KDM4C: variants seen among roughly 807,000 people sequenced by gnomAD.
KDM4C encodes the protein lysine demethylase 4C.
Under a neutral mutation model 129.3 loss-of-function variants are expected in KDM4C, and 81 were observed. That is an observed-to-expected ratio of 0.63 (90% CI 0.52 to 0.75). KDM4C has a LOEUF of 0.75. Ranked by LOEUF, KDM4C falls within the 30% of genes least tolerant of loss-of-function variation. The pLI is 0.00. For missense variants in KDM4C, 1,457 were observed against 1,304.0 expected (o/e 1.12, Z -1.81); for synonymous variants, 573 against 456.1 (o/e 1.26, Z -3.26).
intron 12 of KDM4C, among the ~76,000 whole-genome samples, chr9:7,008,384 G>A (rs553292959): frequency 1.3e-5 from 2 of 152,244 alleles, no homozygotes; most frequent in East Asian, 3.9e-4. Context: ...CACCCACGGA[G>A]CCAGCCTCCA....
chr9:7,037,854 G>C (rs1267573710), intron 15 of KDM4C, among the ~76,000 whole-genome samples: 1 of 151,976 alleles, frequency 6.6e-6, no homozygotes. Context: ...TTTCTGTTTT[G>C]TTTTGGGGAA....
At chr9:6,721,522 G>A (rs1287967683) in intron 1 of KDM4C, among the ~76,000 whole-genome samples, 1 of 150,596 alleles carries the variant, frequency 6.6e-6, no homozygotes, top group African/African-American at 2.4e-5. Flanking sequence ...GGCCTTAAGC[G>A]ACCTACCCGT....
At chr9:6,921,468 G>A (rs1303894378) in intron 8 of KDM4C, among the ~76,000 whole-genome samples, 2 of 152,088 alleles carry the variant, frequency 1.3e-5, no homozygotes. Context: ...CTGCTCACTC[G>A]CTTTCTGTTT....
At chr9:6,903,877 A>G (rs533808055) in intron 8 of KDM4C, among the ~76,000 whole-genome samples, 1 of 152,196 alleles carries the variant, frequency 6.6e-6, no homozygotes, top group Non-Finnish European at 1.5e-5. Flanking sequence ...CTTTTCGAAA[A>G]TCTACACAAT....
At chr9:6,750,693 C>CA (rs1818037945) in intron 1 of KDM4C, among the ~76,000 whole-genome samples, 1 of 152,182 alleles carries the variant, frequency 6.6e-6, no homozygotes, top group Non-Finnish European at 1.5e-5. Flanking sequence ...CTGGATTAGT[C>CA]AATGAAGAGC....
intron 17 of KDM4C, among the ~76,000 whole-genome samples, chr9:7,099,207 A>G (rs1742754129): frequency 6.6e-6 from 1 of 152,220 alleles, no homozygotes; most frequent in Non-Finnish European, 1.5e-5. Context: ...AGAAAAAAAC[A>G]TCATAAAACT....
At chr9:6,732,988 G>A (rs933326669) in intron 1 of KDM4C, among the ~76,000 whole-genome samples, 2 of 151,804 alleles carry the variant, frequency 1.3e-5, no homozygotes, top group African/African-American at 2.4e-5. Context: ...ACTCCAGCCT[G>A]GGTGACAGGG....
chr9:6,879,442 T>C (rs148965374), intron 5 of KDM4C, among the ~76,000 whole-genome samples: 1 of 152,194 alleles, frequency 6.6e-6, no homozygotes, highest in Non-Finnish European at 1.5e-5. Flanking sequence ...AAAACTTTTT[T>C]TAAGGCTGAT....
intron 1 of KDM4C, among the ~76,000 whole-genome samples, chr9:6,763,304 C>T (rs1247508585): frequency 6.6e-6 from 1 of 152,084 alleles, no homozygotes; most frequent in Non-Finnish European, 1.5e-5. Context: ...GCTGTTGTTC[C>T]CTGTGCCTGG....
chr9:6,771,676 C>T (rs1821874948), intron 1 of KDM4C, among the ~76,000 whole-genome samples: 1 of 152,290 alleles, frequency 6.6e-6, no homozygotes, highest in Non-Finnish European at 1.5e-5. Context: ...CCATGGCCTC[C>T]CATGAGTCCT....
chr9:6,908,212 G>A (rs1818668655), intron 8 of KDM4C, among the ~76,000 whole-genome samples: 1 of 152,204 alleles, frequency 6.6e-6, no homozygotes, highest in Non-Finnish European at 1.5e-5. Context: ...CCCATTTTAT[G>A]TGTAGGAAGT....
At chr9:7,048,247 G>A (rs964614692) in intron 16 of KDM4C, among the ~76,000 whole-genome samples, 11 of 152,056 alleles carry the variant, frequency 7.2e-5, no homozygotes, top group Admixed American at 2.0e-4. Context: ...TGGAATGATA[G>A]TATTTATTTC....
At chr9:6,934,783 C>T (rs531621494) in intron 8 of KDM4C, among the ~76,000 whole-genome samples, 1 of 151,888 alleles carries the variant, frequency 6.6e-6, no homozygotes, top group South Asian at 2.1e-4. Flanking sequence ...TCATTGAGAA[C>T]TTTAATTGGA....
In KDM4C at chr9:6,849,564, G is replaced by A. The variant is rs1838453444; in HGVS notation, c.493G>A (p.Glu165Lys). The A allele has an allele frequency of 6.2e-7, 1 of 1,613,538 alleles. No homozygotes were observed. The highest frequency in any genetic ancestry group is 8.5e-7 in the Non-Finnish European group (1 of 1,179,672). ...LNTVLDVVEEECGISIEGVNT... is the reference protein window; with the variant it reads ...LNTVLDVVEEKCGISIEGVNT... ...TACAGTCTTGGATGTGGTTGAAGAA[G>A]AGTGTGGCATTTCTATTGAGGGTGT... The change falls in exon 5 of 22, where the codon GAG becomes AAG. Residue 165 changes from glutamate (E) to lysine (K), a missense_variant. Coordinates refer to ENST00000381309, the MANE Select transcript of KDM4C (RefSeq NM_015061.6).
At chr9:7,172,101 CA>C in intron 21 of KDM4C, among the ~76,000 whole-genome samples, 1 of 152,128 alleles carries the variant, frequency 6.6e-6, no homozygotes, top group Non-Finnish European at 1.5e-5. Flanking sequence ...GTTGGCAAAA[CA>C]AATCTAATTG....
intron 8 of KDM4C, among the ~76,000 whole-genome samples, chr9:6,928,856 A>T (rs1052759391): frequency 2.0e-5 from 3 of 152,208 alleles, no homozygotes; most frequent in Non-Finnish European, 4.4e-5. Flanking sequence ...TCCCTATGGA[A>T]GTAGTGTGAG....
chr9:6,900,828 G>GCATCTGTCT (rs1239823052), intron 8 of KDM4C, among the ~76,000 whole-genome samples: 1 of 152,134 alleles, frequency 6.6e-6, no homozygotes, highest in Non-Finnish European at 1.5e-5. Flanking sequence ...AAGTGTGTGT[G>GCATCTGTCT]GGGAAGTTCT....
At chr9:6,898,007 C>T (rs1266637473) in intron 8 of KDM4C, among the ~76,000 whole-genome samples, 3 of 152,160 alleles carry the variant, frequency 2.0e-5, no homozygotes, top group African/African-American at 4.8e-5. Flanking sequence ...GTGACACTCA[C>T]AGGTCTGCTT....
chr9:7,019,741 TATA>T (rs1379473649), intron 15 of KDM4C, among the ~76,000 whole-genome samples: 2 of 124,884 alleles, frequency 1.6e-5, no homozygotes, highest in East Asian at 2.6e-4. Context: ...TATATAAAAA[TATA>T]ATATTTTTAT....
Sources: allele counts gnomAD v4.1 joint callset (sites outside exome capture counted in the v4.1 genomes callset), GRCh38; gene constraint gnomAD v4.1.1; transcripts MANE v1.5; gene names NCBI Gene and HGNC (gene_info 2026-07-23, HGNC 2026-07-21).